CHLSN: variants seen among roughly 807,000 people sequenced by gnomAD.
CHLSN encodes cholesin.
At chr7:1,015,587 AGACCCAGGGCT>A in the CHLSN span, among the ~76,000 whole-genome samples, 1 of 152,178 alleles carries the variant, frequency 6.6e-6, no homozygotes, top group African/African-American at 2.4e-5. Flanking sequence ...CAGAGTGGGG[AGACCCAGGGCT>A]GACCCAGAGG....
the CHLSN span, among the ~76,000 whole-genome samples, chr7:1,036,360 C>T: frequency 6.7e-6 from 1 of 148,184 alleles, no homozygotes; most frequent in Non-Finnish European, 1.5e-5. Flanking sequence ...CTCGGGTGCT[C>T]GTGGTGTGGC....
At chr7:1,006,628 G>A in the CHLSN span, among the ~76,000 whole-genome samples, 3 of 148,182 alleles carry the variant, frequency 2.0e-5, no homozygotes, top group East Asian at 2.0e-4. Flanking sequence ...AAGAGCGCAC[G>A]ACGGCCACAG....
the CHLSN span, among the ~76,000 whole-genome samples, chr7:1,120,901 G>A: frequency 1.1e-4 from 17 of 152,210 alleles, no homozygotes; most frequent in African/African-American, 3.6e-4. Context: ...GCCGACAGGC[G>A]GCCCATGAAC....
the CHLSN span, among the ~76,000 whole-genome samples, chr7:1,029,279 C>G: frequency 0.021 from 3,234 of 152,214 alleles, 45 homozygotes; most frequent in Non-Finnish European, 0.03. Context: ...AGGAGTGCAC[C>G]ACTGTGTCCA....
At chr7:1,006,023 C>A in the CHLSN span, among the ~76,000 whole-genome samples, 1 of 152,224 alleles carries the variant, frequency 6.6e-6, no homozygotes, top group African/African-American at 2.4e-5. Flanking sequence ...GAAAGTAAAT[C>A]TTCAATTTCC....
At chr7:1,065,567 C>T in the CHLSN span, among the ~76,000 whole-genome samples, 11 of 152,330 alleles carry the variant, frequency 7.2e-5, no homozygotes, top group African/African-American at 2.6e-4. Flanking sequence ...GATGTGAGCA[C>T]GTGCAAAGTA....
the CHLSN span, chr7:1,028,817 G>A: frequency 1.3e-6 from 1 of 747,706 alleles, no homozygotes; most frequent in Non-Finnish European, 1.6e-6. Flanking sequence ...TGACTCCATG[G>A]CCCCCATCTC....
the CHLSN span, among the ~76,000 whole-genome samples, chr7:1,135,795 AC>A: frequency 1.7e-3 from 137 of 80,600 alleles, 1 homozygote; most frequent in African/African-American, 6.9e-3. Context: ...ATATATATAC[AC>A]AATTTATTTA....
At chr7:1,080,135 G>A in the CHLSN span, among the ~76,000 whole-genome samples, 1 of 152,206 alleles carries the variant, frequency 6.6e-6, no homozygotes, top group African/African-American at 2.4e-5. Flanking sequence ...GCAAAACAGA[G>A]TGGCCACTTT....
chr7:1,081,973 G>A, the CHLSN span: 2 of 152,266 alleles, frequency 1.3e-5, no homozygotes, highest in African/African-American at 4.8e-5. Context: ...CGGGAGAGCA[G>A]GGCGGACCCC....
the CHLSN span, among the ~76,000 whole-genome samples, chr7:1,090,919 C>A: frequency 5.4e-3 from 830 of 152,312 alleles, 8 homozygotes; most frequent in African/African-American, 0.019. Context: ...CGCTGAACTT[C>A]TGTTTTATCG....
the CHLSN span, among the ~76,000 whole-genome samples, chr7:991,489 AG>A: frequency 6.3e-4 from 88 of 139,020 alleles, no homozygotes; most frequent in African/African-American, 2.2e-3. Flanking sequence ...GCAGGAGGGA[AG>A]GGGGGGGCCG....
chr7:1,120,058 T>C, the CHLSN span, among the ~76,000 whole-genome samples: 17 of 151,986 alleles, frequency 1.1e-4, no homozygotes, highest in Middle Eastern at 0.01. Context: ...AGAAAAAAAC[T>C]GACCTTACAT....
chr7:1,106,631 C>A, the CHLSN span, among the ~76,000 whole-genome samples: 1 of 152,140 alleles, frequency 6.6e-6, no homozygotes, highest in Non-Finnish European at 1.5e-5. Context: ...GGGTGACGGG[C>A]CTGGGGCAGG....
the CHLSN span, among the ~76,000 whole-genome samples, chr7:1,133,594 C>CA: frequency 6.7e-3 from 983 of 147,250 alleles, 16 homozygotes; most frequent in African/African-American, 0.023. Context: ...ACTAAAAATA[C>CA]AAAAAAAAAA....
At chr7:1,136,589 T>TAAACATAAACATATATAAAC in the CHLSN span, among the ~76,000 whole-genome samples, 2 of 124,598 alleles carry the variant, frequency 1.6e-5, no homozygotes, top group African/African-American at 7.1e-5. Flanking sequence ...TATATAAACA[T>TAAACATAAACATATATAAAC]ATATAAACAT....
At chr7:1,136,305 TAA>T in the CHLSN span, among the ~76,000 whole-genome samples, 1 of 115,518 alleles carries the variant, frequency 8.7e-6, no homozygotes, top group African/African-American at 3.6e-5. Flanking sequence ...TAAACATATA[TAA>T]ATATATATAA....
the CHLSN span, among the ~76,000 whole-genome samples, chr7:1,050,368 C>G: frequency 9.8e-5 from 15 of 152,386 alleles, no homozygotes; most frequent in African/African-American, 3.6e-4. Flanking sequence ...CCACCTGCGG[C>G]GGGCACATCC....
chr7:1,125,220 G>A, the CHLSN span, among the ~76,000 whole-genome samples: 1 of 152,232 alleles, frequency 6.6e-6, no homozygotes, highest in East Asian at 1.9e-4. Flanking sequence ...CCGGGCATCC[G>A]TGGCTGGGTA....
Sources: allele counts gnomAD v4.1 joint callset (sites outside exome capture counted in the v4.1 genomes callset), GRCh38; gene constraint gnomAD v4.1.1; transcripts MANE v1.5; gene names NCBI Gene and HGNC (gene_info 2026-07-23, HGNC 2026-07-21).